RNF38: variants seen among roughly 807,000 people sequenced by gnomAD.
RNF38 encodes the protein ring finger protein 38.
A neutral mutation model predicts 67.2 loss-of-function variants in RNF38; 15 were observed. That is an observed-to-expected ratio of 0.22 (90% confidence interval 0.15 to 0.34). RNF38 has a LOEUF of 0.34. Among genes scored for constraint, RNF38 ranks in the 10% least tolerant of loss-of-function variants. The pLI is 1.00. For missense variants in RNF38, 524 were observed against 639.9 expected (o/e 0.82, Z 1.95); for synonymous variants, 220 against 218.8 (o/e 1.01, Z -0.05).
intron 2 of RNF38, among the ~76,000 whole-genome samples, chr9:36,409,169 AGAGT>A (rs1265422981): frequency 1.3e-5 from 2 of 151,504 alleles, no homozygotes; most frequent in Admixed American, 1.3e-4. Context: ...CCTGGGTGAC[AGAGT>A]GAGACTGTCT....
upstream of RNF38, among the ~76,000 whole-genome samples, chr9:36,401,653 A>G (rs533232352): frequency 7.2e-5 from 11 of 152,312 alleles, no homozygotes; most frequent in Non-Finnish European, 1.6e-4. Context: ...TCACGATACA[A>G]GAGAGAAAAT....
rs980166879 is a variant in RNF38, at chr9:36,438,407, A to AC, written n.242-13725dup. On this transcript the variant is annotated intron_variant and non_coding_transcript_variant, in intron 1 of 3. Coordinates refer to the RNF38 transcript ENST00000488058. Reference sequence around the variant, plus strand: ...ATAAACTTTCTTAAAACATTAAGAGACTTTTTTTGTGATTTTTTTTAAGCT... The same window carrying AC: ...ATAAACTTTCTTAAAACATTAAGAGACCTTTTTTTGTGATTTTTTTTAAGCT... Among the ~76,000 whole-genome samples, 5 of 151,838 alleles carry AC rather than the reference A, an allele frequency of 3.3e-5. No individual in the cohort carries two copies. The East Asian group carries it at 9.7e-4, about 29-fold the overall frequency.
intron 1 of RNF38, among the ~76,000 whole-genome samples, chr9:36,458,679 AG>A (rs2134364858): frequency 6.6e-6 from 1 of 151,986 alleles, no homozygotes; most frequent in South Asian, 2.1e-4. Context: ...GAACATCTGG[AG>A]GAACAAACTC....
chr9:36,477,996 C>CA (rs1840160524), intron 1 of RNF38, among the ~76,000 whole-genome samples: 1 of 144,066 alleles, frequency 6.9e-6, no homozygotes, highest in Non-Finnish European at 1.5e-5. Flanking sequence ...GACCTTGTCT[C>CA]AAAAAACAAA....
intron 2 of RNF38, among the ~76,000 whole-genome samples, chr9:36,423,560 T>C (rs1474712162): frequency 6.6e-6 from 1 of 152,150 alleles, no homozygotes; most frequent in African/African-American, 2.4e-5. Context: ...AAAGACTAAA[T>C]TTAAGTCCAT....
upstream of RNF38, among the ~76,000 whole-genome samples, chr9:36,404,069 A>T (rs1473023578): frequency 6.6e-6 from 1 of 151,914 alleles, no homozygotes; most frequent in Non-Finnish European, 1.5e-5. Flanking sequence ...ATTTCCTTAG[A>T]ATTTTTATTA....
chr9:36,384,093 T>C (rs1182101742), intron 2 of RNF38, among the ~76,000 whole-genome samples: 2 of 152,192 alleles, frequency 1.3e-5, no homozygotes, highest in Non-Finnish European at 2.9e-5. Context: ...AAAACATCAC[T>C]GGTTCACAAA....
intron 10 of RNF38, among the ~76,000 whole-genome samples, chr9:36,343,520 G>A (rs1365417309): frequency 6.6e-6 from 1 of 151,994 alleles, no homozygotes; most frequent in East Asian, 1.9e-4. Context: ...AAGATCATTA[G>A]CCATCAGGGA....
intron 2 of RNF38, among the ~76,000 whole-genome samples, chr9:36,408,961 C>T (rs1376306216): frequency 3.3e-5 from 5 of 152,034 alleles, no homozygotes; most frequent in Admixed American, 2.0e-4. Context: ...CAGAAGGGAG[C>T]GGATCACTTG....
chr9:36,354,353 G>A (rs760096262), intron 6 of RNF38, among the ~76,000 whole-genome samples: 18 of 152,130 alleles, frequency 1.2e-4, no homozygotes, highest in Admixed American at 3.9e-4. Context: ...CACCACACCT[G>A]GCTACTTTTT....
intron 3 of RNF38, among the ~76,000 whole-genome samples, chr9:36,374,933 G>C (rs1176580979): frequency 3.9e-5 from 6 of 152,186 alleles, no homozygotes; most frequent in South Asian, 2.1e-4. Flanking sequence ...AATTGGGGAG[G>C]AGGGGTTACA....
At chr9:36,349,005 G>A (rs1267045293) in intron 9 of RNF38, among the ~76,000 whole-genome samples, 1 of 152,222 alleles carries the variant, frequency 6.6e-6, no homozygotes, top group East Asian at 1.9e-4. Flanking sequence ...GTAGGCTGAA[G>A]CCAATAATCA....
At chr9:36,389,813 T>C (rs551787888) in intron 2 of RNF38, among the ~76,000 whole-genome samples, 7 of 152,290 alleles carry the variant, frequency 4.6e-5, no homozygotes, top group South Asian at 2.1e-4. Context: ...TCAGAGGCAA[T>C]TGTGTAACCT....
chr9:36,451,504 T>TTGTTTGTTG (rs1564068049), intron 1 of RNF38, among the ~76,000 whole-genome samples: 1 of 130,128 alleles, frequency 7.7e-6, no homozygotes, highest in African/African-American at 3.4e-5. Flanking sequence ...TTTTTTTTTT[T>TTGTTTGTTG]TTTTTTTTTT....
upstream of RNF38, among the ~76,000 whole-genome samples, chr9:36,405,843 A>G (rs1355548554): frequency 6.6e-6 from 1 of 152,234 alleles, no homozygotes; most frequent in Non-Finnish European, 1.5e-5. Context: ...ACATTTTAAA[A>G]CACACTAAAC....
At chr9:36,435,623 G>GCT (rs1554695788) in intron 1 of RNF38, among the ~76,000 whole-genome samples, 1 of 141,804 alleles carries the variant, frequency 7.1e-6, no homozygotes, top group Non-Finnish European at 1.5e-5. Flanking sequence ...GTGAATGGAG[G>GCT]TTTTTTTTTT....
intron 2 of RNF38, among the ~76,000 whole-genome samples, chr9:36,423,950 A>G (rs1303022707): frequency 5.2e-5 from 1 of 19,354 alleles, no homozygotes; most frequent in Non-Finnish European, 1.3e-4. Flanking sequence ...CTCCGTCTCA[A>G]AAAAAAAAAA....
intron 4 of RNF38, among the ~76,000 whole-genome samples, chr9:36,358,963 A>G (rs1224980896): frequency 1.3e-5 from 2 of 152,176 alleles, no homozygotes; most frequent in Non-Finnish European, 2.9e-5. Flanking sequence ...GTGAGCTGAG[A>G]TCGCGCCATT....
intron 1 of RNF38, among the ~76,000 whole-genome samples, chr9:36,482,556 T>C (rs1302405760): frequency 2.0e-5 from 3 of 151,554 alleles, no homozygotes; most frequent in Non-Finnish European, 2.9e-5. Flanking sequence ...TTTCACCATG[T>C]TGGCCAGGCT....
Sources: allele counts gnomAD v4.1 joint callset (sites outside exome capture counted in the v4.1 genomes callset), GRCh38; gene constraint gnomAD v4.1.1; transcripts MANE v1.5; gene names NCBI Gene and HGNC (gene_info 2026-07-23, HGNC 2026-07-21).